GALNT1: variants seen among roughly 807,000 people sequenced by gnomAD.
GALNT1 encodes GalNAc transferase 1.
A neutral mutation model predicts 65.7 loss-of-function variants in GALNT1; 17 were observed. The observed-to-expected ratio is 0.26, with a 90% confidence interval of 0.18 to 0.39. GALNT1 has a LOEUF of 0.39. Ranked by LOEUF, GALNT1 falls within the 10% of genes least tolerant of loss-of-function variation. The pLI, the probability that GALNT1 is intolerant of heterozygous loss-of-function variation, is 1.00. For missense variants in GALNT1, 460 were observed against 672.8 expected, an observed-to-expected ratio of 0.68 and a Z score of 3.50; for synonymous variants, 210 against 219.7, an observed-to-expected ratio of 0.96 and a Z score of 0.39.
rs2047177269 is a variant in GALNT1, at chr18:35,642,445, A to AC, written c.-103-12114dup. The stretch of plus-strand genomic sequence containing the variant: ...ATACTCGTGAGGTTAAATTATCAGG[A>AC]CAAGGAAGGACCGTAAGAATAGGGA... On this transcript the variant is annotated intron_variant, in intron 1 of 11. Transcript: ENST00000269195. Among the ~76,000 whole-genome samples, 3 of 152,222 alleles carry AC rather than the reference A, an allele frequency of 2.0e-5. No individual in the cohort carries two copies. The South Asian group carries it at 6.2e-4, about 32-fold the overall frequency.
chr18:35,625,991 C>T (rs2046911920), intron 1 of GALNT1, among the ~76,000 whole-genome samples: 1 of 152,076 alleles, frequency 6.6e-6, no homozygotes, highest in Non-Finnish European at 1.5e-5. Context: ...CCAATTAATT[C>T]TTCTGTTTGC....
At chr18:35,684,650 A>T (rs1245019753) in intron 5 of GALNT1, among the ~76,000 whole-genome samples, 1 of 152,174 alleles carries the variant, frequency 6.6e-6, no homozygotes, top group African/African-American at 2.4e-5. Flanking sequence ...ATTCTGAATA[A>T]CTTTTCCAAC....
At chr18:35,631,705 A>G (rs1444464949) in intron 1 of GALNT1, among the ~76,000 whole-genome samples, 2 of 152,152 alleles carry the variant, frequency 1.3e-5, no homozygotes, top group African/African-American at 4.8e-5. Flanking sequence ...AGTTCTGGCC[A>G]GGGCAATCAG....
At chr18:35,585,033 T>A (rs779717212) in intron 1 of GALNT1, among the ~76,000 whole-genome samples, 2 of 152,154 alleles carry the variant, frequency 1.3e-5, no homozygotes, top group African/African-American at 2.4e-5. Context: ...ATAAATACAA[T>A]TTGTGATTAT....
intron 1 of GALNT1, among the ~76,000 whole-genome samples, chr18:35,616,063 C>T (rs1386374837): frequency 6.6e-6 from 1 of 152,154 alleles, no homozygotes; most frequent in Non-Finnish European, 1.5e-5. Flanking sequence ...TAGTTTGCCA[C>T]CCCTTGCTCT....
In GALNT1 at chr18:35,709,826, A is replaced by G; in HGVS notation, c.*56A>G. ...AGGATTGACTGGGCTACCTCAGCATACATTTCTGCCACATTCTTAAGTAGC... is the reference window on the plus strand; with the variant it reads ...AGGATTGACTGGGCTACCTCAGCATGCATTTCTGCCACATTCTTAAGTAGC... On this transcript the variant is annotated 3_prime_UTR_variant, in exon 12 of 12. Coordinates refer to ENST00000269195, the MANE Select transcript of GALNT1 (RefSeq NM_020474.4). 6.3e-7 allele frequency: 1 copy of G among 1,593,422 alleles called. No homozygotes were observed. Among genetic ancestry groups the G allele is most frequent in the Non-Finnish European group, 8.6e-7 (1 of 1,166,264 alleles).
chr18:35,627,557 G>A (rs2046934544), intron 1 of GALNT1: 1 of 152,144 alleles, frequency 6.6e-6, no homozygotes, highest in South Asian at 2.1e-4. Context: ...CTTACAGCTA[G>A]CTTCTTAGGT....
chr18:35,667,831 C>T (rs1223121486), intron 3 of GALNT1, among the ~76,000 whole-genome samples: 2 of 152,152 alleles, frequency 1.3e-5, no homozygotes, highest in African/African-American at 4.8e-5. Flanking sequence ...GTACCAATAT[C>T]CTTAAAGTCA....
chr18:35,679,087 G>A (rs113341898), intron 4 of GALNT1, among the ~76,000 whole-genome samples: 679 of 152,214 alleles, frequency 4.5e-3, no homozygotes, highest in Non-Finnish European at 7.2e-3. Context: ...GAGCAGTTAA[G>A]AATACCACAC....
intron 6 of GALNT1, 146 bp from the exon 7 acceptor site, chr18:35,689,027 C>G (rs1275767561): frequency 4.7e-6 from 3 of 642,820 alleles, no homozygotes; most frequent in Non-Finnish European, 8.4e-6. Context: ...ACACAGAAAG[C>G]CCCTGGGGCG....
In GALNT1 at chr18:35,674,982, CAAAAAAAAAAAAAAAAA is replaced by C. The variant is rs150477892; in HGVS notation, c.315-2597_315-2581del. ...TGAGCGACAGAGCGAGACTCCGTCTCAAAAAAAAAAAAAAAAAAAAAAAAAAAAGCTCGTTTTCATAA... is the reference window on the plus strand; with the variant it reads ...TGAGCGACAGAGCGAGACTCCGTCTCAAAAAAAAAAAGCTCGTTTTCATAA... On this transcript the variant is annotated intron_variant, in intron 3 of 11. Coordinates refer to ENST00000269195, the MANE Select transcript of GALNT1 (RefSeq NM_020474.4). Among the ~76,000 whole-genome samples, 9 of 30,332 alleles carry C rather than the reference CAAAAAAAAAAAAAAAAA, an allele frequency of 3.0e-4. 1 individual carries two copies. The South Asian group carries it at 0.021, about 69-fold the overall frequency. 19.9% of individuals were successfully genotyped at this position (30,332 alleles called of 152,430 possible).
chr18:35,611,387 C>T (rs1315109965), intron 1 of GALNT1, among the ~76,000 whole-genome samples: 3 of 152,006 alleles, frequency 2.0e-5, no homozygotes, highest in African/African-American at 7.3e-5. Context: ...CCACCCTGTG[C>T]CATAGTTTAA....
intron 7 of GALNT1, among the ~76,000 whole-genome samples, chr18:35,689,741 G>A (rs2047926602): frequency 6.6e-6 from 1 of 152,066 alleles, no homozygotes; most frequent in African/African-American, 2.4e-5. Context: ...CAATAAAAAT[G>A]CGAAAGAATT....
chr18:35,602,544 C>T (rs555778768), intron 1 of GALNT1, among the ~76,000 whole-genome samples: 36 of 152,026 alleles, frequency 2.4e-4, no homozygotes, highest in African/African-American at 8.0e-4. Context: ...GTTCTTTGTT[C>T]ATTTTTATTC....
chr18:35,626,886 T>C (rs1359960860), intron 1 of GALNT1, among the ~76,000 whole-genome samples: 1 of 152,244 alleles, frequency 6.6e-6, no homozygotes, highest in Non-Finnish European at 1.5e-5. Flanking sequence ...ATGAGGGATA[T>C]AACTGTTTCT....
intron 1 of GALNT1, among the ~76,000 whole-genome samples, chr18:35,648,429 G>A (rs1038259612): frequency 1.3e-5 from 2 of 152,154 alleles, no homozygotes; most frequent in African/African-American, 2.4e-5. Context: ...TTCGACTTTC[G>A]ACTTAAGATG....
chr18:35,581,368 C>CCGAGCCCGAGGGGAGCGTCG (rs2046310184), upstream of GALNT1: 1 of 149,730 alleles, frequency 6.7e-6, no homozygotes, highest in Non-Finnish European at 1.5e-5. Flanking sequence ...CCCCGGAGTC[C>CCGAGCCCGAGGGGAGCGTCG]CGAGCCCGAG....
Position 35,687,013 on chromosome 18 carries a change from C to T in GALNT1, c.690-3C>T. The stretch of plus-strand genomic sequence containing the variant: ...ATTTCTTAACTTGCTTTTATGACAT[C>T]AGGAGAACAGTGGTGTGTCCCATCA... On this transcript the variant is annotated splice_region_variant and splice_polypyrimidine_tract_variant and intron_variant, in intron 5 of 11. Coordinates refer to ENST00000269195, the MANE Select transcript of GALNT1 (RefSeq NM_020474.4). The T allele has an allele frequency of 6.2e-7, 1 of 1,604,316 alleles. No individual in the cohort carries two copies. The highest frequency in any genetic ancestry group is 8.5e-7 in the Non-Finnish European group (1 of 1,175,806).
intron 1 of GALNT1, among the ~76,000 whole-genome samples, chr18:35,595,572 C>T (rs529597195): frequency 6.6e-6 from 1 of 152,278 alleles, no homozygotes; most frequent in Admixed American, 6.5e-5. Context: ...CCAAACAAAA[C>T]TAAACAGAAA....
Sources: allele counts gnomAD v4.1 joint callset (sites outside exome capture counted in the v4.1 genomes callset), GRCh38; gene constraint gnomAD v4.1.1; transcripts MANE v1.5; gene names NCBI Gene and HGNC (gene_info 2026-07-23, HGNC 2026-07-21).